The following CHD1 variants were observed in gnomAD, a reference collection of about 807,000 sequenced individuals.
The protein encoded by CHD1 is chromodomain helicase DNA binding protein 1, also known as ATP-dependent chromatin remodeler CHD1.
In CHD1, 36 loss-of-function variants were observed where a neutral mutation model predicts 224.2. That is an observed-to-expected ratio of 0.16 (90% CI 0.12 to 0.21). The LOEUF (loss-of-function observed/expected upper bound fraction) is 0.21. Among genes scored for constraint, CHD1 ranks in the 10% least tolerant of loss-of-function variants. The pLI, the probability that CHD1 is intolerant of heterozygous loss-of-function variation, is 1.00. For synonymous variants in CHD1, 668 were observed against 658.3 expected, an observed-to-expected ratio of 1.01 and a Z score of -0.23; for missense variants, 1,378 against 1,994.8, an observed-to-expected ratio of 0.69 and a Z score of 5.89.
At chr5:98,869,720 T>C (rs1305200066) in intron 30 of CHD1, 34 bp downstream of exon 30, 3 of 1,602,520 alleles carry the variant, frequency 1.9e-6, no homozygotes, top group Admixed American at 1.7e-5. Context: ...TCCCTTTCCA[T>C]AGAAAAGGTT....
chr5:98,910,665 T>A (rs1752330532), intron 2 of CHD1, among the ~76,000 whole-genome samples: 2 of 152,170 alleles, frequency 1.3e-5, no homozygotes, highest in Non-Finnish European at 2.9e-5. Flanking sequence ...AGAATGTTTA[T>A]ATTCCCCTTT....
intron 30 of CHD1, 116 bp downstream of exon 30, chr5:98,869,638 A>G: frequency 2.7e-6 from 3 of 1,099,428 alleles, no homozygotes; most frequent in Non-Finnish European, 4.0e-6. Context: ...ACACACACAC[A>G]CACACACACA....
At chr5:98,927,872 T>C (rs1238096650) in intron 1 of CHD1, among the ~76,000 whole-genome samples, 8 of 152,182 alleles carry the variant, frequency 5.3e-5, no homozygotes, top group Admixed American at 5.2e-4. Context: ...CCCTGAGTTC[T>C]GAAGCTCCAA....
At chr5:98,867,334 A>G (rs1268509001) in intron 31 of CHD1, among the ~76,000 whole-genome samples, 2 of 152,242 alleles carry the variant, frequency 1.3e-5, no homozygotes, top group Non-Finnish European at 2.9e-5. Flanking sequence ...CAACATCGGT[A>G]CAAAAACTGA....
Position 98,926,464 on chromosome 5 carries a change from T to C in CHD1, c.-78A>G, listed in dbSNP as rs975853270. 1.5e-6 allele frequency: 1 copy of C among 665,308 alleles called. No individual in the cohort carries two copies. Among genetic ancestry groups the C allele is most frequent in the Non-Finnish European group, 2.3e-6 (1 of 428,672 alleles). 41.2% of individuals were successfully genotyped at this position (665,308 alleles called of 1,614,324 possible). A position where few individuals can be genotyped will look rare whatever the true frequency, so the allele number is the denominator to read the frequency against. ...AAAGATGAATATAAATACTGACTCC[T>C]TGAATATAAAAATTCACAGATGAAT... On this transcript the variant is annotated 5_prime_UTR_variant, in exon 2 of 36. Coordinates refer to ENST00000614616, the MANE Select transcript of CHD1 (RefSeq NM_001270.4).
At chr5:98,864,022 G>A (rs761611300) in intron 31 of CHD1, among the ~76,000 whole-genome samples, 9 of 152,168 alleles carry the variant, frequency 5.9e-5, no homozygotes, top group Non-Finnish European at 1.0e-4. Context: ...TATATAAACT[G>A]TATTCTTCCA....
chr5:98,898,210 T>C (rs1448579453), intron 10 of CHD1, 46 bp downstream of exon 10: 2 of 971,492 alleles, frequency 2.1e-6, no homozygotes, highest in African/African-American at 1.7e-5. Context: ...ATATTTATAA[T>C]GTATAAATAT....
At chr5:98,925,170 G>A (rs1048012323) in intron 2 of CHD1, among the ~76,000 whole-genome samples, 1 of 151,878 alleles carries the variant, frequency 6.6e-6, no homozygotes, top group Non-Finnish European at 1.5e-5. Flanking sequence ...AAAACATGCT[G>A]GTTACAATAA....
intron 12 of CHD1, 33 bp from the exon 13 acceptor site, chr5:98,894,719 C>A (rs766973138): frequency 5.2e-6 from 5 of 966,014 alleles, no homozygotes; most frequent in Non-Finnish European, 7.9e-6. Flanking sequence ...ATTTTTAAGA[C>A]AAACATCAAG....
At chr5:98,920,065 C>A (rs202209724) in intron 2 of CHD1, among the ~76,000 whole-genome samples, 2 of 151,970 alleles carry the variant, frequency 1.3e-5, no homozygotes, top group Admixed American at 1.3e-4. Flanking sequence ...AACTATTATA[C>A]AATAGATACA....
chr5:98,885,527 T>C, intron 18 of CHD1, 51 bp downstream of exon 18: 3 of 1,082,450 alleles, frequency 2.8e-6, no homozygotes, highest in East Asian at 2.5e-5. Flanking sequence ...TAATGTAATA[T>C]ACTGATACTA....
intron 12 of CHD1, among the ~76,000 whole-genome samples, chr5:98,894,915 G>A (rs930101718): frequency 6.6e-5 from 10 of 151,410 alleles, no homozygotes; most frequent in African/African-American, 1.9e-4. Context: ...TCCACCTCCC[G>A]GGTTCAAGTG....
At chr5:98,865,632 A>T (rs149030656) in intron 31 of CHD1, among the ~76,000 whole-genome samples, 99 of 152,360 alleles carry the variant, frequency 6.5e-4, no homozygotes, top group African/African-American at 2.3e-3. Context: ...TTAGGAAGAC[A>T]ACCAGTAAAA....
At chr5:98,924,483 G>A (rs1753317295) in intron 2 of CHD1, among the ~76,000 whole-genome samples, 1 of 152,178 alleles carries the variant, frequency 6.6e-6, no homozygotes, top group Non-Finnish European at 1.5e-5. Context: ...AATCCTTAGA[G>A]TTGAGGCAAT....
intron 11 of CHD1, 134 bp from the exon 12 acceptor site, chr5:98,896,576 T>G (rs1751355464): frequency 3.3e-6 from 2 of 612,812 alleles, no homozygotes; most frequent in South Asian, 2.1e-5. Flanking sequence ...CCACTTTTAT[T>G]AACTACAAAT....
intron 25 of CHD1, among the ~76,000 whole-genome samples, 169 bp downstream of exon 25, chr5:98,874,903 A>G (rs1420145882): frequency 6.6e-6 from 1 of 152,214 alleles, no homozygotes; most frequent in Non-Finnish European, 1.5e-5. Flanking sequence ...TAAACACAGT[A>G]TAAAAACATT....
Position 98,901,185 on chromosome 5 carries a change from C to T in CHD1, c.587+1G>A, listed in dbSNP as rs746331673. On this transcript the variant is annotated splice_donor_variant, in intron 6 of 35. Coordinates refer to ENST00000614616, the MANE Select transcript of CHD1 (RefSeq NM_001270.4). LOFTEE classifies it high-confidence loss of function. ...TTTTCAGCACCAAACTGAGACCATA[C>T]CTATTTTGAGGTTTTCTGCTTTTGA... 4 of 1,610,296 alleles carry T rather than the reference C, an allele frequency of 2.5e-6. No homozygotes were observed. Among genetic ancestry groups the T allele is most frequent in the Non-Finnish European group, 2.5e-6 (3 of 1,178,840 alleles).
At chr5:98,872,599 C>T in intron 26 of CHD1, 44 bp from the exon 27 acceptor site, 5 of 1,529,648 alleles carry the variant, frequency 3.3e-6, no homozygotes, top group Non-Finnish European at 4.5e-6. Context: ...AAGTATAAAA[C>T]ATAATTCTAC....
intron 26 of CHD1, among the ~76,000 whole-genome samples, chr5:98,872,958 A>ACTACAAGCACGCACAATCACACCCTG (rs1749467170): frequency 6.6e-6 from 1 of 152,052 alleles, no homozygotes; most frequent in South Asian, 2.1e-4. Flanking sequence ...AGTAACTGAG[A>ACTACAAGCACGCACAATCACACCCTG]CTACAAGCAC....
Sources: gnomAD v4.1 joint callset for allele counts (sites outside exome capture counted in the v4.1 genomes callset) on GRCh38, gnomAD v4.1.1 for gene constraint, MANE v1.5 for transcripts, NCBI Gene and HGNC (gene_info 2026-07-23, HGNC 2026-07-21) for gene names.